The following NAV1 variants were observed in gnomAD, a reference collection of about 807,000 sequenced individuals.
NAV1 encodes the protein neuron navigator 1.
A neutral mutation model predicts 175.2 loss-of-function variants in NAV1; 18 were observed. The ratio of observed to expected loss-of-function variants is 0.10; its 90% CI spans 0.07 to 0.15. The LOEUF (loss-of-function observed/expected upper bound fraction) is 0.15, where lower values mean the gene tolerates loss of function less well. NAV1 is among the 10% of genes least tolerant of loss of function. NAV1 has a pLI of 1.00. For missense variants in NAV1, 1,731 were observed against 2,436.6 expected, an observed-to-expected ratio of 0.71 and a Z score of 6.10; for synonymous variants, 897 against 978.7, an observed-to-expected ratio of 0.92 and a Z score of 1.56.
At chr1:201,809,011 G>A (rs1678510181) in intron 20 of NAV1, 140 bp downstream of exon 24, 4 of 1,290,554 alleles carry the variant, frequency 3.1e-6, no homozygotes, top group Non-Finnish European at 4.4e-6. Flanking sequence ...ACACTGAGTT[G>A]TAATGGTCCT....
chr1:201,591,520 T>A (rs1193761634), intron 2 of NAV1, among the ~76,000 whole-genome samples: 1 of 152,096 alleles, frequency 6.6e-6, no homozygotes, highest in Non-Finnish European at 1.5e-5. Context: ...AGGCCTGGCA[T>A]ATAGAAGGAG....
chr1:201,640,177 T>A (rs183167908), intron 2 of NAV1, among the ~76,000 whole-genome samples: 40 of 152,262 alleles, frequency 2.6e-4, no homozygotes, highest in Admixed American at 2.1e-3. Flanking sequence ...CCCACACACC[T>A]GATCTGTAGC....
chr1:201,818,567 G>A (rs1679206948), intron 29 of NAV1, among the ~76,000 whole-genome samples: 1 of 150,362 alleles, frequency 6.7e-6, no homozygotes, highest in African/African-American at 2.4e-5. Flanking sequence ...CATTTGGCTA[G>A]AGCAAATGCA....
chr1:201,797,002 A>G (rs1402049278), intron 15 of NAV1: 5 of 152,136 alleles, frequency 3.3e-5, no homozygotes, highest in Non-Finnish European at 7.4e-5. Context: ...ATGAGGCATC[A>G]TTTATCTAGT....
At chr1:201,583,044 G>T (rs2102197319) in intron 1 of NAV1, among the ~76,000 whole-genome samples, 1 of 152,390 alleles carries the variant, frequency 6.6e-6, no homozygotes, top group African/African-American at 2.4e-5. Flanking sequence ...ATAGCCCTGA[G>T]GGCTGGACCC....
intron 2 of NAV1, among the ~76,000 whole-genome samples, chr1:201,604,212 G>A (rs1044259675): frequency 5.9e-5 from 9 of 152,096 alleles, no homozygotes; most frequent in Middle Eastern, 6.3e-3. Context: ...GTGGCACCAC[G>A]CCTAGCTAAT....
chr1:201,694,757 G>A lies in NAV1; in HGVS notation c.758-18060G>A, dbSNP rs995304139. On this transcript the variant is annotated intron_variant, in intron 1 of 29. Transcript: ENST00000367296. The surrounding 1 kb of genome is among the most constrained non-coding windows in gnomAD (Gnocchi z 4.2). ...GGCGAGATGCAGTCTCCAGAGTGAC[G>A]CAGTGGGACGAGCCCTGGAGCTGGA... is the stretch of plus-strand genomic sequence containing the variant. Among the ~76,000 whole-genome samples the A allele has an allele frequency of 3.3e-5, 5 of 152,198 alleles. No homozygotes were observed. In the East Asian group the frequency reaches 5.8e-4, roughly 18 times the overall value.
intron 2 of NAV1, among the ~76,000 whole-genome samples, chr1:201,607,265 A>T (rs1667711661): frequency 6.6e-6 from 1 of 151,592 alleles, no homozygotes; most frequent in Admixed American, 6.6e-5. Context: ...ACAGGCGTCC[A>T]CCACCACACC....
At chr1:201,708,740 G>T (rs529870987) in intron 1 of NAV1, among the ~76,000 whole-genome samples, 1 of 152,280 alleles carries the variant, frequency 6.6e-6, no homozygotes, top group African/African-American at 2.4e-5. Flanking sequence ...GACTCCCTCT[G>T]CATCTTTGCC....
At chr1:201,776,161 T>C (rs1273589498) in intron 3 of NAV1, among the ~76,000 whole-genome samples, 3 of 151,896 alleles carry the variant, frequency 2.0e-5, no homozygotes, top group Non-Finnish European at 4.4e-5. Context: ...GTATGTGTGA[T>C]AGAAGAAATG....
chr1:201,738,103 G>A (rs182806292), intron 3 of NAV1, among the ~76,000 whole-genome samples: 103 of 152,074 alleles, frequency 6.8e-4, no homozygotes, highest in African/African-American at 2.2e-3. Flanking sequence ...AGAGAGAACC[G>A]TCTGCCTTGC....
intron 1 of NAV1, among the ~76,000 whole-genome samples, chr1:201,662,137 C>T (rs1669635919): frequency 6.6e-6 from 1 of 152,250 alleles, no homozygotes; most frequent in Non-Finnish European, 1.5e-5. Context: ...AGAGCACTGG[C>T]ATTCTTGCAT....
At chr1:201,688,938 G>A (rs1240245160) in intron 1 of NAV1, among the ~76,000 whole-genome samples, 1 of 152,324 alleles carries the variant, frequency 6.6e-6, no homozygotes, top group East Asian at 1.9e-4. Flanking sequence ...TGCTCCACAT[G>A]CACTGCTGAC....
chr1:201,667,764 C>T (rs1669883943), intron 1 of NAV1, among the ~76,000 whole-genome samples: 1 of 152,228 alleles, frequency 6.6e-6, no homozygotes, highest in African/African-American at 2.4e-5. Context: ...AAAAGTCACT[C>T]CGCAGTTCCT....
At chr1:201,610,459 G>A (rs1174238927) in intron 2 of NAV1, among the ~76,000 whole-genome samples, 1 of 152,202 alleles carries the variant, frequency 6.6e-6, no homozygotes, top group African/African-American at 2.4e-5. Context: ...ATTCTTAGCA[G>A]GAGGGATGGA....
intron 2 of NAV1, among the ~76,000 whole-genome samples, chr1:201,642,060 TTTC>T (rs765820809): frequency 2.0e-5 from 3 of 149,950 alleles, no homozygotes; most frequent in South Asian, 2.2e-4. Context: ...TTCCCTTTTC[TTTC>T]TTTTTTTCCT....
Position 201,788,417 on chromosome 1 carries a change from T to A in NAV1, c.2996-51T>A. On this transcript the variant is annotated intron_variant, in intron 9 of 29. Transcript: ENST00000367296. The surrounding 1 kb of genome is among the most constrained non-coding windows in gnomAD (Gnocchi z 5.7). The stretch of plus-strand genomic sequence containing the variant: ...CCGGAGAGCTGATGACCCTGCCTCT[T>A]TTCCTGCCCTCCTGCTCCCTCTCCT... 6.2e-7 allele frequency: 1 copy of A among 1,606,820 alleles called. No homozygotes were observed. The highest frequency in any genetic ancestry group is 1.1e-5 in the South Asian group (1 of 90,892).
At chr1:201,664,592 T>C (rs1319114680) in intron 1 of NAV1, among the ~76,000 whole-genome samples, 1 of 152,196 alleles carries the variant, frequency 6.6e-6, no homozygotes, top group Non-Finnish European at 1.5e-5. Context: ...CCCACTCCAC[T>C]ATGTGGGTTT....
At chr1:201,652,504 G>A (rs1381285774) in intron 1 of NAV1, among the ~76,000 whole-genome samples, 1 of 152,188 alleles carries the variant, frequency 6.6e-6, no homozygotes, top group African/African-American at 2.4e-5. Flanking sequence ...GATGCCTCTG[G>A]ACCCTGGCCC....
Sources: gnomAD v4.1 joint callset for allele counts (sites outside exome capture counted in the v4.1 genomes callset) on GRCh38, gnomAD v4.1.1 for gene constraint, Gnocchi (gnomAD v3.1) non-coding constraint, MANE v1.5 for transcripts, NCBI Gene and HGNC (gene_info 2026-07-23, HGNC 2026-07-21) for gene names.